Variants in ASPRV1 observed in about 807,000 individuals in gnomAD.
ASPRV1 encodes the protein aspartic peptidase retroviral like 1, also known as retroviral-like aspartic protease 1.
A neutral mutation model predicts 11.0 loss-of-function variants in ASPRV1; 7 were observed. The ratio of observed to expected loss-of-function variants is 0.64; its 90% CI spans 0.36 to 1.20. ASPRV1 has a LOEUF of 1.20. Ranked by LOEUF, ASPRV1 falls within the 50% of genes most tolerant of loss-of-function variation. The pLI is 0.02. For missense variants in ASPRV1, 299 were observed against 320.0 expected, an observed-to-expected ratio of 0.93 and a Z score of 0.50; for synonymous variants, 136 against 138.4, an observed-to-expected ratio of 0.98 and a Z score of 0.12.
In ASPRV1 at chr2:69,961,167, G is replaced by A. The variant is rs1678084121; in HGVS notation, c.270C>T (p.Val90=). 6 of 1,613,828 alleles carry A rather than the reference G, an allele frequency of 3.7e-6. No individual in the cohort carries two copies. Among genetic ancestry groups the A allele is most frequent in the Non-Finnish European group, 4.2e-6 (5 of 1,179,830 alleles). Reference sequence around the variant, plus strand: ...GCAGGTGGCTGGGGGCAGCCCCAGGGACCCCAAAGGCCTTCAGGAGGGCCT... The same window carrying A: ...GCAGGTGGCTGGGGGCAGCCCCAGGAACCCCAAAGGCCTTCAGGAGGGCCT... The part of the protein sequence containing the change: ...VKEALLKAFG[V]PGAAPSHLPK... Residue 90 remains valine, a synonymous_variant, in exon 1 of 1, where the codon GTC becomes GTT. Transcript: ENST00000320256.
At chr2:70,005,528 T>C in the ASPRV1 span, among the ~76,000 whole-genome samples, 1 of 152,238 alleles carries the variant, frequency 6.6e-6, no homozygotes, top group Non-Finnish European at 1.5e-5. Flanking sequence ...TCTTTTATCT[T>C]AATTTGCTCC....
the ASPRV1 span, among the ~76,000 whole-genome samples, chr2:69,986,772 T>C: frequency 1.3e-5 from 2 of 152,306 alleles, no homozygotes; most frequent in African/African-American, 2.4e-5. Flanking sequence ...ATCACACCCA[T>C]TGGGACATTT....
chr2:70,025,243 TAGAA>T, the ASPRV1 span, among the ~76,000 whole-genome samples: 6 of 152,166 alleles, frequency 3.9e-5, no homozygotes, highest in Non-Finnish European at 7.4e-5. Flanking sequence ...ATTTTAATGA[TAGAA>T]AGAGTGATCT....
the ASPRV1 span, among the ~76,000 whole-genome samples, chr2:70,077,579 C>G: frequency 6.6e-6 from 1 of 152,180 alleles, no homozygotes; most frequent in Non-Finnish European, 1.5e-5. Flanking sequence ...GTCAGCCAGG[C>G]ACAGTGGCTC....
At chr2:70,049,910 A>G in the ASPRV1 span, 1 of 152,254 alleles carries the variant, frequency 6.6e-6, no homozygotes, top group African/African-American at 2.4e-5. Context: ...CTTTCAAATT[A>G]GGGAAGAGGA....
chr2:70,028,598 C>T, the ASPRV1 span: 1 of 152,116 alleles, frequency 6.6e-6, no homozygotes, highest in East Asian at 1.9e-4. Flanking sequence ...GAAACTTAAT[C>T]CCCAATGCAT....
the ASPRV1 span, chr2:69,941,665 C>T: frequency 6.6e-6 from 1 of 152,132 alleles, no homozygotes; most frequent in African/African-American, 2.4e-5. Context: ...TCCTATGGGC[C>T]TCTCTTCTGC....
chr2:70,056,884 G>A, the ASPRV1 span, among the ~76,000 whole-genome samples: 2 of 151,692 alleles, frequency 1.3e-5, no homozygotes, highest in East Asian at 2.0e-4. Flanking sequence ...ACAGGCGTGC[G>A]CCACCTCACC....
the ASPRV1 span, among the ~76,000 whole-genome samples, chr2:70,005,759 C>T: frequency 6.6e-6 from 1 of 152,204 alleles, no homozygotes. Flanking sequence ...CCACTACCCA[C>T]CCCCAAACTT....
the ASPRV1 span, among the ~76,000 whole-genome samples, chr2:70,065,994 G>T: frequency 6.6e-6 from 1 of 152,116 alleles, no homozygotes; most frequent in South Asian, 2.1e-4. Flanking sequence ...GATCACTTGA[G>T]GCCAGGAGGT....
chr2:70,084,058 C>G, the ASPRV1 span, among the ~76,000 whole-genome samples: 2 of 152,102 alleles, frequency 1.3e-5, no homozygotes, highest in African/African-American at 4.8e-5. Flanking sequence ...AAGGGAGAAA[C>G]TGTTAAGACT....
At chr2:70,068,160 C>G in the ASPRV1 span, among the ~76,000 whole-genome samples, 1 of 152,338 alleles carries the variant, frequency 6.6e-6, no homozygotes, top group African/African-American at 2.4e-5. Flanking sequence ...TCGCAACACA[C>G]ACAGGGGAAA....
At chr2:70,049,506 A>G in the ASPRV1 span, 1 of 152,208 alleles carries the variant, frequency 6.6e-6, no homozygotes, top group Non-Finnish European at 1.5e-5. Flanking sequence ...ACTAGCACAG[A>G]GCTAGAGCAC....
At chr2:70,029,262 A>C in the ASPRV1 span, among the ~76,000 whole-genome samples, 1 of 152,292 alleles carries the variant, frequency 6.6e-6, no homozygotes, top group East Asian at 1.9e-4. Flanking sequence ...TGGGATGCTA[A>C]AGACATATAA....
the ASPRV1 span, among the ~76,000 whole-genome samples, chr2:69,974,421 ATATAATTTAATT>A: frequency 1.3e-5 from 2 of 152,100 alleles, no homozygotes; most frequent in African/African-American, 2.4e-5. Context: ...TTGTAAGTTT[ATATAATTTAATT>A]TATAATTTAA....
At chr2:69,983,421 G>A in the ASPRV1 span, among the ~76,000 whole-genome samples, 13 of 152,162 alleles carry the variant, frequency 8.5e-5, no homozygotes, top group Non-Finnish European at 1.8e-4. Context: ...TAGGGCATAG[G>A]GAATTCTGTG....
chr2:69,987,082 C>A, the ASPRV1 span, among the ~76,000 whole-genome samples: 1 of 151,978 alleles, frequency 6.6e-6, no homozygotes, highest in Non-Finnish European at 1.5e-5. Flanking sequence ...ATGCTGCTCC[C>A]GGAAAAGGGA....
the ASPRV1 span, among the ~76,000 whole-genome samples, chr2:70,065,225 G>A: frequency 6.6e-6 from 1 of 151,354 alleles, no homozygotes; most frequent in African/African-American, 2.4e-5. Context: ...TGGCTAACAC[G>A]GTGAAATCCC....
At chr2:70,079,580 A>G in the ASPRV1 span, among the ~76,000 whole-genome samples, 46 of 152,298 alleles carry the variant, frequency 3.0e-4, 1 homozygote, top group South Asian at 8.7e-3. Flanking sequence ...GAGATGAAGA[A>G]TAAGAAAAAA....
Sources: gnomAD v4.1 joint callset for allele counts (sites outside exome capture counted in the v4.1 genomes callset) on GRCh38, gnomAD v4.1.1 for gene constraint, MANE v1.5 for transcripts, NCBI Gene and HGNC (gene_info 2026-07-23, HGNC 2026-07-21) for gene names.